MAPK4: variants seen among roughly 807,000 people sequenced by gnomAD.
The protein encoded by MAPK4 is mitogen-activated protein kinase 4, also known as Erk3-related.
MAPK4 carries 22 observed loss-of-function variants against 47.7 expected under a neutral mutation model. That is an observed-to-expected ratio of 0.46 (90% confidence interval 0.33 to 0.66). The LOEUF (loss-of-function observed/expected upper bound fraction) is 0.66, where lower values mean the gene tolerates loss of function less well. MAPK4 is among the 30% of genes least tolerant of loss of function. MAPK4 has a pLI of 0.02. For missense variants in MAPK4, 736 were observed against 831.7 expected (o/e 0.88, Z 1.42); for synonymous variants, 390 against 365.7 (o/e 1.07, Z -0.76).
At chr18:50,724,093 C>T (rs1031689214) in intron 4 of MAPK4, among the ~76,000 whole-genome samples, 2 of 152,068 alleles carry the variant, frequency 1.3e-5, no homozygotes, top group Non-Finnish European at 2.9e-5. Flanking sequence ...CTCACTATAA[C>T]CTCAGCCTCG....
intron 2 of MAPK4, among the ~76,000 whole-genome samples, chr18:50,709,233 C>T (rs554858590): frequency 2.0e-5 from 3 of 152,314 alleles, no homozygotes; most frequent in Admixed American, 6.5e-5. Flanking sequence ...ATCACAGTCT[C>T]CCTGCCACAG....
At chr18:50,589,074 T>G (rs1161892494) in intron 1 of MAPK4, among the ~76,000 whole-genome samples, 1 of 152,170 alleles carries the variant, frequency 6.6e-6, no homozygotes, top group African/African-American at 2.4e-5. Flanking sequence ...AATTCAGGAA[T>G]AGCAAGTTCA....
At chr18:50,562,273 G>A (rs1015553188) in intron 1 of MAPK4, among the ~76,000 whole-genome samples, 3 of 152,058 alleles carry the variant, frequency 2.0e-5, no homozygotes, top group Non-Finnish European at 4.4e-5. Flanking sequence ...TCTCCTGTTG[G>A]GTTGGTTGCA....
intron 1 of MAPK4, among the ~76,000 whole-genome samples, chr18:50,599,482 A>G (rs1286893792): frequency 6.6e-6 from 1 of 152,184 alleles, no homozygotes; most frequent in African/African-American, 2.4e-5. Context: ...ACAGGGGTAC[A>G]ATCTCGGCTC....
intron 2 of MAPK4, among the ~76,000 whole-genome samples, chr18:50,667,942 G>T (rs926437105): frequency 6.6e-6 from 1 of 152,102 alleles, no homozygotes; most frequent in Non-Finnish European, 1.5e-5. Flanking sequence ...TCCTTCCCAC[G>T]AGTCATATTA....
chr18:50,720,290 A>G (rs1910865593), intron 3 of MAPK4, among the ~76,000 whole-genome samples: 1 of 152,200 alleles, frequency 6.6e-6, no homozygotes, highest in South Asian at 2.1e-4. Context: ...AAGGAAGTCA[A>G]GAGTTATTAA....
chr18:50,594,605 A>T lies in MAPK4; in HGVS notation c.-871+34362A>T, dbSNP rs139735471. Among the ~76,000 whole-genome samples, 5 of 152,384 alleles carry T rather than the reference A, an allele frequency of 3.3e-5. 1 individual carries two copies. The East Asian group carries it at 9.6e-4, about 29-fold the overall frequency. On this transcript the variant is annotated intron_variant, in intron 1 of 5. Coordinates refer to ENST00000400384, the MANE Select transcript of MAPK4 (RefSeq NM_002747.4). ...GTACACATCAAAACTAATTTGAGAT[A>T]GTTCATAAGCTTCATGTAAAAGTAA...
At position 50,644,412 on chromosome 18, in the gene MAPK4, A is replaced by G. The variant is rs113338395; in HGVS notation, c.-870-18677A>G. Among the ~76,000 whole-genome samples the G allele has an allele frequency of 9.2e-3, 1,401 of 152,198 alleles. 23 individuals carry two copies. Among genetic ancestry groups the G allele is most frequent in the African/African-American group, 0.027 (1,110 of 41,512 alleles). ...GCCATTGGGTATCTGGAGGGCCCCAAGCCTATTCAGTCATGCAGCAAAATC... is the reference window on the plus strand; with the variant it reads ...GCCATTGGGTATCTGGAGGGCCCCAGGCCTATTCAGTCATGCAGCAAAATC... On this transcript the variant is annotated intron_variant, in intron 1 of 5. Transcript: ENST00000400384.
chr18:50,645,714 A>G (rs2042982820), intron 1 of MAPK4, among the ~76,000 whole-genome samples: 1 of 152,178 alleles, frequency 6.6e-6, no homozygotes, highest in Non-Finnish European at 1.5e-5. Context: ...AGCTCTTAGT[A>G]GGTGTCCTGG....
chr18:50,585,147 CT>C (rs1362856736), intron 1 of MAPK4, among the ~76,000 whole-genome samples: 2 of 152,154 alleles, frequency 1.3e-5, no homozygotes, highest in African/African-American at 2.4e-5. Context: ...AATAAAGATG[CT>C]TGGGTGTCAG....
intron 2 of MAPK4, among the ~76,000 whole-genome samples, chr18:50,671,336 G>T (rs1039325451): frequency 6.6e-6 from 1 of 152,124 alleles, no homozygotes; most frequent in African/African-American, 2.4e-5. Context: ...TAGGTGATAC[G>T]AACAATAATT....
At chr18:50,616,945 A>T (rs2042690085) in intron 1 of MAPK4, among the ~76,000 whole-genome samples, 1 of 152,324 alleles carries the variant, frequency 6.6e-6, no homozygotes. Flanking sequence ...AATCCAATCA[A>T]GTTGACACAG....
chr18:50,641,990 C>T (rs1168215527), intron 1 of MAPK4, among the ~76,000 whole-genome samples: 1 of 152,210 alleles, frequency 6.6e-6, no homozygotes, highest in African/African-American at 2.4e-5. Flanking sequence ...TTAGACCTGA[C>T]ATTCTATATA....
At chr18:50,662,911 G>A (rs1302978096) in intron 1 of MAPK4, among the ~76,000 whole-genome samples, 178 bp from the exon 2 acceptor site, 2 of 152,230 alleles carry the variant, frequency 1.3e-5, no homozygotes, top group African/African-American at 4.8e-5. Context: ...TTCCAGGGGA[G>A]TGCTACGCAC....
chr18:50,641,419 A>G (rs908241769), intron 1 of MAPK4, among the ~76,000 whole-genome samples: 60 of 151,980 alleles, frequency 3.9e-4, no homozygotes, highest in African/African-American at 1.4e-3. Flanking sequence ...TAAAAAATCT[A>G]TATCTTTTTT....
intron 2 of MAPK4, among the ~76,000 whole-genome samples, chr18:50,693,116 T>G (rs1307941099): frequency 2.6e-5 from 4 of 151,942 alleles, no homozygotes; most frequent in Non-Finnish European, 5.9e-5. Flanking sequence ...AAAAGTAGCC[T>G]GGCATGGTGG....
intron 1 of MAPK4, among the ~76,000 whole-genome samples, chr18:50,633,343 C>G (rs2042850099): frequency 6.6e-6 from 1 of 152,220 alleles, no homozygotes; most frequent in South Asian, 2.1e-4. Flanking sequence ...AGCCACTGTG[C>G]CCATCCCACC....
intron 1 of MAPK4, among the ~76,000 whole-genome samples, chr18:50,624,905 G>T (rs940180306): frequency 6.6e-6 from 1 of 151,996 alleles, no homozygotes; most frequent in Non-Finnish European, 1.5e-5. Context: ...ACACCTGAGA[G>T]CACCCAGCAG....
chr18:50,704,754 G>GTTGGACCTATGCATCCTC, intron 2 of MAPK4: 2 of 398,594 alleles, frequency 5.0e-6, no homozygotes, highest in Non-Finnish European at 8.8e-6. Context: ...ATGTTGTGTC[G>GTTGGACCTATGCATCCTC]TTACCCTCCC....
Sources: allele counts gnomAD v4.1 joint callset (sites outside exome capture counted in the v4.1 genomes callset), GRCh38; gene constraint gnomAD v4.1.1; transcripts MANE v1.5; gene names NCBI Gene and HGNC (gene_info 2026-07-23, HGNC 2026-07-21).